The following CHST12 variants were observed in gnomAD, a reference collection of about 807,000 sequenced individuals.
The protein encoded by CHST12 is carbohydrate sulfotransferase 12.
CHST12 carries 23 observed loss-of-function variants against 27.9 expected under a neutral mutation model. The ratio of observed to expected loss-of-function variants is 0.82; its 90% CI spans 0.59 to 1.17. CHST12 has a LOEUF of 1.17. Ranked by LOEUF, CHST12 falls within the 50% of genes most tolerant of loss-of-function variation. The pLI is 0.00. For missense variants in CHST12, 682 were observed against 603.0 expected, an observed-to-expected ratio of 1.13 and a Z score of -1.37; for synonymous variants, 322 against 273.0, an observed-to-expected ratio of 1.18 and a Z score of -1.77.
rs1295129699 is a variant in CHST12, at chr7:2,438,559, A to T, written c.*4675A>T. On this transcript the variant is annotated 3_prime_UTR_variant, in exon 2 of 2. Coordinates refer to ENST00000618655, the MANE Select transcript of CHST12 (RefSeq NM_018641.5). Reference sequence around the variant, plus strand: ...CATTATCCAGGGGTAATTTTTGCTCACTTATTTATAAGCCACACATCCTCT... The same window carrying T: ...CATTATCCAGGGGTAATTTTTGCTCTCTTATTTATAAGCCACACATCCTCT... 6.6e-6 allele frequency: 1 copy of T among 152,192 alleles called. No homozygotes were observed. The highest frequency in any genetic ancestry group is 6.5e-5 in the Admixed American group (1 of 15,280). The allele number at this position is 152,192 out of a possible 1,614,324, so 9.4% of individuals were successfully genotyped here. A position where few individuals can be genotyped will look rare whatever the true frequency, so the allele number is the denominator to read the frequency against.
rs1490671766 is a variant in CHST12, at chr7:2,434,914, C to A, written c.*1030C>A. Reference sequence around the variant, plus strand: ...ACCAGCTTGGGCAACATAGCAAGGACCTCATCTCTACAAAAAATAAAAAGG... The same window carrying A: ...ACCAGCTTGGGCAACATAGCAAGGAACTCATCTCTACAAAAAATAAAAAGG... On this transcript the variant is annotated 3_prime_UTR_variant, in exon 2 of 2. Transcript: ENST00000618655. 1 of 151,904 alleles carries A rather than the reference C, an allele frequency of 6.6e-6. No individual in the cohort carries two copies. Among genetic ancestry groups the A allele is most frequent in the Non-Finnish European group, 1.5e-5 (1 of 68,052 alleles). The allele number at this position is 151,904 out of a possible 1,614,324, so 9.4% of individuals were successfully genotyped here. A position where few individuals can be genotyped will look rare whatever the true frequency, so the allele number is the denominator to read the frequency against.
At chr7:2,413,723 CTTTT>C (rs1198072520) in intron 1 of CHST12, among the ~76,000 whole-genome samples, 1 of 104,100 alleles carries the variant, frequency 9.6e-6, no homozygotes. Context: ...CAGGTTTTAG[CTTTT>C]TTTTTTTTTT....
chr7:2,430,878 G>A (rs946002806), intron 1 of CHST12, among the ~76,000 whole-genome samples: 5 of 152,212 alleles, frequency 3.3e-5, no homozygotes, highest in African/African-American at 9.6e-5. Context: ...GTGAGCCACC[G>A]TGCCCTGTCA....
At chr7:2,413,414 A>G (rs1190897850) in intron 1 of CHST12, among the ~76,000 whole-genome samples, 1 of 152,250 alleles carries the variant, frequency 6.6e-6, no homozygotes, top group African/African-American at 2.4e-5. Flanking sequence ...TACATGCAAT[A>G]AAACGTACCC....
chr7:2,416,175 C>T (rs1329405337), intron 1 of CHST12, among the ~76,000 whole-genome samples: 1 of 152,210 alleles, frequency 6.6e-6, no homozygotes, highest in Non-Finnish European at 1.5e-5. Flanking sequence ...ACTGCTCTTT[C>T]GTTCCTTCGT....
chr7:2,429,767 T>C (rs1331747632), intron 1 of CHST12, among the ~76,000 whole-genome samples: 1 of 152,004 alleles, frequency 6.6e-6, no homozygotes, highest in Non-Finnish European at 1.5e-5. Flanking sequence ...TTCATTTGTT[T>C]GGTTGGTTTT....
rs1448876812 is a variant in CHST12, at chr7:2,441,938, A to G, written c.*8054A>G. On this transcript the variant is annotated 3_prime_UTR_variant, in exon 2 of 2. Transcript: ENST00000618655. ...ATTTTTAAGTGAACAGTTCAGTGGC[A>G]TTAAGCACATTCAGTTTGCCTGCCA... 6.6e-6 allele frequency: 1 copy of G among 152,142 alleles called. No individual in the cohort carries two copies. The highest frequency in any genetic ancestry group is 1.5e-5 in the Non-Finnish European group (1 of 68,038). 9.4% of individuals were successfully genotyped at this position (152,142 alleles called of 1,614,324 possible).
intron 1 of CHST12, among the ~76,000 whole-genome samples, chr7:2,424,072 G>T (rs935874305): frequency 6.6e-6 from 1 of 152,046 alleles, no homozygotes; most frequent in Non-Finnish European, 1.5e-5. Context: ...GATTAATTAA[G>T]GCTGGGCACA....
At chr7:2,425,079 G>T (rs545711939) in intron 1 of CHST12, among the ~76,000 whole-genome samples, 2 of 151,824 alleles carry the variant, frequency 1.3e-5, no homozygotes, top group African/African-American at 4.8e-5. Context: ...GGTGGCGGGC[G>T]CCTGTAGTCC....
rs1476808278 is a variant in CHST12, at chr7:2,435,841, G to A, written c.*1957G>A. ...GTTTTGTTTTGTTTTTGGAGACAGG[G>A]TCTCGCTCTGTCATCCGGGCTGGAA... On this transcript the variant is annotated 3_prime_UTR_variant, in exon 2 of 2. Coordinates refer to ENST00000618655, the MANE Select transcript of CHST12 (RefSeq NM_018641.5). The A allele has an allele frequency of 6.6e-6, 1 of 152,374 alleles. No individual in the cohort carries two copies. The highest frequency in any genetic ancestry group is 1.5e-5 in the Non-Finnish European group (1 of 68,200). 9.4% of individuals were successfully genotyped at this position (152,374 alleles called of 1,614,324 possible).
chr7:2,415,529 G>A (rs1203614597), intron 1 of CHST12, among the ~76,000 whole-genome samples: 1 of 152,180 alleles, frequency 6.6e-6, no homozygotes, highest in Non-Finnish European at 1.5e-5. Flanking sequence ...TGCTGGTGGA[G>A]GGTCTTGTCT....
rs1782448380 is a variant in CHST12, at chr7:2,435,411, G to C, written c.*1527G>C. Reference sequence around the variant, plus strand: ...GCTTTCTGGTTGGTTTAGCTCCAGTGCCTTCACCCTCAAGGACACGACTGA... The same window carrying C: ...GCTTTCTGGTTGGTTTAGCTCCAGTCCCTTCACCCTCAAGGACACGACTGA... On this transcript the variant is annotated 3_prime_UTR_variant, in exon 2 of 2. Coordinates refer to ENST00000618655, the MANE Select transcript of CHST12 (RefSeq NM_018641.5). 6.6e-6 allele frequency: 1 copy of C among 152,246 alleles called. No individual in the cohort carries two copies. Among genetic ancestry groups the C allele is most frequent in the Non-Finnish European group, 1.5e-5 (1 of 68,090 alleles). The allele number at this position is 152,246 out of a possible 1,614,324, so 9.4% of individuals were successfully genotyped here.
Position 2,433,411 on chromosome 7 carries a change from A to G in CHST12, c.772A>G (p.Lys258Glu). The G allele has an allele frequency of 6.2e-7, 1 of 1,609,654 alleles. No homozygotes were observed. The highest frequency in any genetic ancestry group is 8.5e-7 in the Non-Finnish European group (1 of 1,179,898). Residue 258 changes from lysine (K) to glutamate (E), a missense_variant, in exon 2 of 2, where the codon AAG becomes GAG. By Grantham distance (56) the Lys-to-Glu change is moderately conservative (BLOSUM62 1). Coordinates refer to ENST00000618655, the MANE Select transcript of CHST12 (RefSeq NM_018641.5). The surrounding 1 kb of genome is among the most constrained non-coding windows in gnomAD (Gnocchi z 6.1). The part of the protein sequence containing the change: ...FVRLISAFRS[K>E]FELENEEFYR... ...GCGCCTGATCTCCGCCTTCCGCAGC[A>G]AGTTCGAGCTGGAGAACGAGGAGTT... is the stretch of plus-strand genomic sequence containing the variant.
At chr7:2,422,165 C>T (rs978458708) in intron 1 of CHST12, among the ~76,000 whole-genome samples, 2 of 152,138 alleles carry the variant, frequency 1.3e-5, no homozygotes, top group East Asian at 1.9e-4. Flanking sequence ...TCACTCTCCT[C>T]GTTAGTCTTC....
Position 2,432,735 on chromosome 7 carries a change from G to C in CHST12, c.96G>C (p.Ala32=). The C allele has an allele frequency of 6.2e-7, 1 of 1,613,938 alleles. No individual in the cohort carries two copies. The highest frequency in any genetic ancestry group is 1.3e-5 in the African/African-American group (1 of 75,046). The change falls in exon 2 of 2, where the codon GCG becomes GCC. Residue 32 remains alanine (A), a synonymous_variant. Transcript: ENST00000618655. ...TGTACTGGGACAGCGCAGGCGCCGC[G>C]CACTTCTACTTGCACACGTCCTTCT... The part of the protein sequence containing the change: ...IIVYWDSAGA[A]HFYLHTSFSR...
intron 1 of CHST12, among the ~76,000 whole-genome samples, chr7:2,413,623 C>T (rs1781725695): frequency 6.6e-6 from 1 of 151,898 alleles, no homozygotes; most frequent in South Asian, 2.1e-4. Context: ...CGTCTGGCTC[C>T]TTTTTCAGTG....
intron 1 of CHST12, among the ~76,000 whole-genome samples, chr7:2,425,203 CAAAAAAAAA>C (rs144902925): frequency 1.4e-5 from 1 of 72,012 alleles, no homozygotes; most frequent in African/African-American, 4.3e-5. Context: ...GACTCCGTCT[CAAAAAAAAA>C]AAAAAAACAA....
At chr7:2,404,149 G>C (rs1324445497) in intron 1 of CHST12, 1 of 152,230 alleles carries the variant, frequency 6.6e-6, no homozygotes, top group East Asian at 1.9e-4. Flanking sequence ...CCTGAACGGG[G>C]CTCCCCGGCC....
rs990288749 is a variant in CHST12, at chr7:2,435,171, G to C, written c.*1287G>C. 19 of 152,322 alleles carry C rather than the reference G, an allele frequency of 1.2e-4. No individual in the cohort carries two copies. The highest frequency in any genetic ancestry group is 1.2e-3 in the Admixed American group (19 of 15,278). 9.4% of individuals were successfully genotyped at this position (152,322 alleles called of 1,614,324 possible). A position where few individuals can be genotyped will look rare whatever the true frequency, so the allele number is the denominator to read the frequency against. ...TTCAAGGCTGCAGTGACCTATGATCGTGCCACTGCACTCCAGCCTGGGCAG... is the reference window on the plus strand; with the variant it reads ...TTCAAGGCTGCAGTGACCTATGATCCTGCCACTGCACTCCAGCCTGGGCAG... On this transcript the variant is annotated 3_prime_UTR_variant, in exon 2 of 2. Coordinates refer to ENST00000618655, the MANE Select transcript of CHST12 (RefSeq NM_018641.5).
Sources: gnomAD v4.1 joint callset for allele counts (sites outside exome capture counted in the v4.1 genomes callset) on GRCh38, gnomAD v4.1.1 for gene constraint, Gnocchi (gnomAD v3.1) non-coding constraint, MANE v1.5 for transcripts, NCBI Gene and HGNC (gene_info 2026-07-23, HGNC 2026-07-21) for gene names.